DNMT1: variants seen among roughly 807,000 people sequenced by gnomAD.
DNMT1 encodes DNA methyltransferase 1, also known as DNA (cytosine-5)-methyltransferase 1.
Under a neutral mutation model 205.3 loss-of-function variants are expected in DNMT1, and 24 were observed. The ratio of observed to expected loss-of-function variants is 0.12; its 90% CI spans 0.08 to 0.16. The LOEUF (loss-of-function observed/expected upper bound fraction) is 0.16. Among genes scored for constraint, DNMT1 ranks in the 10% least tolerant of loss-of-function variants. The probability of loss-of-function intolerance (pLI) is 1.00; values close to 1 mark genes in which losing one functional copy is unlikely to be tolerated. For synonymous variants in DNMT1, 817 were observed against 839.8 expected (o/e 0.97, Z 0.47); for missense variants, 1,293 against 2,177.7 (o/e 0.59, Z 8.09).
At chr19:10,184,320 C>T (rs1480327229) in intron 1 of DNMT1, 1 of 152,138 alleles carries the variant, frequency 6.6e-6, no homozygotes, top group Non-Finnish European at 1.5e-5. Flanking sequence ...AAGGGGTACC[C>T]ACACAGAGGG....
Position 10,194,835 on chromosome 19 carries a change from T to TCGGGCAGCGAGATGGCCGGGA in DNMT1, c.44_64dup (p.Val15_Pro21dup). 1 of 1,611,062 alleles carries TCGGGCAGCGAGATGGCCGGGA rather than the reference T, an allele frequency of 6.2e-7. No homozygotes were observed. ...TGGTACCTACCGCCTGCGGACATCGTCGGGCAGCGAGATGGCCGGGACGGC... is the reference window on the plus strand; with the variant it reads ...TGGTACCTACCGCCTGCGGACATCGTCGGGCAGCGAGATGGCCGGGACGGGCAGCGAGATGGCCGGGACGGC... On this transcript the variant is annotated inframe_insertion, in exon 1 of 41. Coordinates refer to ENST00000359526, the MANE Select transcript of DNMT1 (RefSeq NM_001130823.3).
rs1322962346 is a variant in DNMT1 at position 10,173,068 on chromosome 19, C to A, written c.768+22G>T. On this transcript the variant is annotated intron_variant, in intron 9 of 40. Transcript: ENST00000359526. ...ATAGGATTAAGGGAGAATTAACAAA[C>A]TTAGAGGTGATAGAGCTTTACTTTT... 1.2e-5 allele frequency: 19 copies of A among 1,613,800 alleles called. No individual in the cohort carries two copies. In the East Asian group the frequency reaches 3.1e-4, roughly 26 times the overall value.
chr19:10,156,045 C>T lies in DNMT1; in HGVS notation c.1400-100G>A, dbSNP rs1315526506. 2.4e-6 allele frequency: 3 copies of T among 1,252,880 alleles called. No homozygotes were observed. The highest frequency in any genetic ancestry group is 1.5e-5 in the African/African-American group (1 of 67,360). 77.6% of individuals were successfully genotyped at this position (1,252,880 alleles called of 1,614,324 possible). On this transcript the variant is annotated intron_variant, in intron 18 of 40. Coordinates refer to ENST00000359526, the MANE Select transcript of DNMT1 (RefSeq NM_001130823.3). This position sits in a 1 kb window ranked among gnomAD's most constrained non-coding sequence, Gnocchi z 4.2. Reference sequence around the variant, plus strand: ...TCAGCAGACATCCCATCAGCCAGGTCGGGTGCTCCTCAGTCATCACAATGA... The same window carrying T: ...TCAGCAGACATCCCATCAGCCAGGTTGGGTGCTCCTCAGTCATCACAATGA...
chr19:10,173,859 A>C lies in DNMT1; in HGVS notation c.683+12T>G. On this transcript the variant is annotated intron_variant, in intron 8 of 40. Coordinates refer to ENST00000359526, the MANE Select transcript of DNMT1 (RefSeq NM_001130823.3). Reference sequence around the variant, plus strand: ...CGTAGAACAAAAAGAAAGGTATAGTAACTATTCTTACCGTTCTCTGGATGT... The same window carrying C: ...CGTAGAACAAAAAGAAAGGTATAGTCACTATTCTTACCGTTCTCTGGATGT... 1 of 1,613,698 alleles carries C rather than the reference A, an allele frequency of 6.2e-7. No individual in the cohort carries two copies. The highest frequency in any genetic ancestry group is 8.5e-7 in the Non-Finnish European group (1 of 1,179,628).
At chr19:10,188,760 C>T (rs973831290) in intron 1 of DNMT1, among the ~76,000 whole-genome samples, 2 of 152,154 alleles carry the variant, frequency 1.3e-5, no homozygotes, top group Middle Eastern at 3.4e-3. Flanking sequence ...CGTTGGAGGA[C>T]GGGTCAGAGA....
intron 39 of DNMT1, 130 bp downstream of exon 39, chr19:10,135,606 G>C (rs1388766167): frequency 2.1e-6 from 2 of 948,570 alleles, no homozygotes; most frequent in Non-Finnish European, 3.3e-6. Flanking sequence ...TCTTCCCACT[G>C]AGAGTGATGG....
At chr19:10,170,770 T>G (rs887401764) in intron 9 of DNMT1, among the ~76,000 whole-genome samples, 15 of 150,988 alleles carry the variant, frequency 9.9e-5, no homozygotes, top group Admixed American at 2.0e-4. Context: ...GTCATCTTGG[T>G]TTTTTTTTGT....
intron 37 of DNMT1, 123 bp from the exon 38 acceptor site, chr19:10,136,410 G>A (rs2089484520): frequency 8.2e-7 from 1 of 1,217,608 alleles, no homozygotes; most frequent in African/African-American, 1.5e-5. Flanking sequence ...CTGGGGTGGA[G>A]CAGCCAACAA....
chr19:10,138,180 T>C lies in DNMT1; in HGVS notation c.4116-171A>G, dbSNP rs1312527048. 1.3e-5 allele frequency among the ~76,000 whole-genome samples: 2 copies of C among 152,230 alleles called. No homozygotes were observed. The highest frequency in any genetic ancestry group is 3.8e-4 in the East Asian group (2 of 5,200). On this transcript the variant is annotated intron_variant, in intron 35 of 40. Coordinates refer to ENST00000359526, the MANE Select transcript of DNMT1 (RefSeq NM_001130823.3). This position sits in a 1 kb window ranked among gnomAD's most constrained non-coding sequence, Gnocchi z 4.1. Reference sequence around the variant, plus strand: ...TGCCATCTGGAAGGGGGGATGGGGCTATGGCGTGGGCTTTGTGGATGACCA... The same window carrying C: ...TGCCATCTGGAAGGGGGGATGGGGCCATGGCGTGGGCTTTGTGGATGACCA...
rs1348242844 is a variant in DNMT1, at chr19:10,154,953, C to T, written c.1596G>A (p.Leu532=). 1 of 1,614,226 alleles carries T rather than the reference C, an allele frequency of 6.2e-7. No individual in the cohort carries two copies. Among genetic ancestry groups the T allele is most frequent in the Non-Finnish European group, 8.5e-7 (1 of 1,180,046 alleles). Residue 532 remains leucine, a synonymous_variant, in exon 20 of 41, where the codon CTG becomes CTA. Coordinates refer to ENST00000359526, the MANE Select transcript of DNMT1 (RefSeq NM_001130823.3). This position sits in a 1 kb window ranked among gnomAD's most constrained non-coding sequence, Gnocchi z 6.3. ...CATAGGTCGAGTCGGAATTGCTCTGCAGGAACTCCACCACAATCTTGCTGA... is the reference window on the plus strand; with the variant it reads ...CATAGGTCGAGTCGGAATTGCTCTGTAGGAACTCCACCACAATCTTGCTGA... The part of the protein sequence containing the change: ...IYISKIVVEF[L]QSNSDSTYED...
chr19:10,134,230 T>C lies in DNMT1; in HGVS notation c.4851A>G (p.Arg1617=). ...ACCCCACCATACCTGAGGCACTCTCTCGGGCTTTGGCCAACATACAAAGCT... is the reference window on the plus strand; with the variant it reads ...ACCCCACCATACCTGAGGCACTCTCCCGGGCTTTGGCCAACATACAAAGCT... The part of the protein sequence containing the change: ...EIKLCMLAKA[R]ESASAKIKEE... Residue 1617 remains arginine (R), a synonymous_variant, in exon 40 of 41, where the codon CGA becomes CGG. Coordinates refer to ENST00000359526, the MANE Select transcript of DNMT1 (RefSeq NM_001130823.3). The C allele has an allele frequency of 6.2e-7, 1 of 1,614,206 alleles. No homozygotes were observed. Among genetic ancestry groups the C allele is most frequent in the Non-Finnish European group, 8.5e-7 (1 of 1,180,038 alleles).
At chr19:10,161,364 A>AATAAATAG (rs1270572042) in intron 13 of DNMT1, among the ~76,000 whole-genome samples, 2 of 149,430 alleles carry the variant, frequency 1.3e-5, no homozygotes, top group African/African-American at 4.9e-5. Context: ...TAAATAAATA[A>AATAAATAG]CTGGCCAGGC....
intron 17 of DNMT1, among the ~76,000 whole-genome samples, chr19:10,158,298 G>T (rs7247491): frequency 9.7e-4 from 147 of 152,240 alleles, no homozygotes; most frequent in South Asian, 5.4e-3. Context: ...GGGGGCTAGC[G>T]GTTGCTGGTG....
chr19:10,156,074 G>A lies in DNMT1; in HGVS notation c.1400-129C>T. The A allele has an allele frequency of 2.2e-6, 2 of 904,516 alleles. No individual in the cohort carries two copies. Among genetic ancestry groups the A allele is most frequent in the Non-Finnish European group, 3.5e-6 (2 of 574,636 alleles). The allele number at this position is 904,516 out of a possible 1,614,324, so 56.0% of individuals were successfully genotyped here. On this transcript the variant is annotated intron_variant, in intron 18 of 40. Transcript: ENST00000359526. The surrounding 1 kb of genome is among the most constrained non-coding windows in gnomAD (Gnocchi z 4.2). ...TGCTCCTCAGTCATCACAATGACTT[G>A]GCCTACAGCTGCTCCTGGCACAAAG...
At position 10,159,563 on chromosome 19, in the gene DNMT1, G is replaced by C; in HGVS notation, c.1280+95C>G. ...TAGCTTAAGACATGTTGCAGGTCAG[G>C]CACTAAAAAACATCACCAGAATCGT... On this transcript the variant is annotated intron_variant, in intron 17 of 40. Transcript: ENST00000359526. This position sits in a 1 kb window ranked among gnomAD's most constrained non-coding sequence, Gnocchi z 5.0. 8.1e-7 allele frequency: 1 copy of C among 1,235,184 alleles called. No homozygotes were observed. The highest frequency in any genetic ancestry group is 1.2e-6 in the Non-Finnish European group (1 of 852,232). 76.5% of individuals were successfully genotyped at this position (1,235,184 alleles called of 1,614,324 possible).
At position 10,170,775 on chromosome 19, in the gene DNMT1, TTTTG is replaced by T. The variant is rs538247311; in HGVS notation, c.768+2311_768+2314del. Among the ~76,000 whole-genome samples, 62 of 152,046 alleles carry T rather than the reference TTTTG, an allele frequency of 4.1e-4. 1 individual carries two copies. The East Asian group carries it at 4.5e-3, about 11-fold the overall frequency. ...GAAACTTCTAGTCATCTTGGTTTTT[TTTTG>T]TTTGTTTGTTTTGTTTGTTTGTTTG... On this transcript the variant is annotated intron_variant, in intron 9 of 40. Transcript: ENST00000359526.
At chr19:10,170,264 G>T (rs1042408184) in intron 9 of DNMT1, among the ~76,000 whole-genome samples, 1 of 151,930 alleles carries the variant, frequency 6.6e-6, no homozygotes, top group African/African-American at 2.4e-5. Context: ...CAGCCTGAGC[G>T]AAAGAGCAAA....
At chr19:10,169,257 T>C (rs1446220746) in intron 9 of DNMT1, among the ~76,000 whole-genome samples, 1 of 151,724 alleles carries the variant, frequency 6.6e-6, no homozygotes, top group Non-Finnish European at 1.5e-5. Flanking sequence ...AAGAAACACT[T>C]TGCAGCTGGG....
At chr19:10,164,870 G>C (rs1239044587) in intron 11 of DNMT1, among the ~76,000 whole-genome samples, 1 of 134,522 alleles carries the variant, frequency 7.4e-6, no homozygotes, top group Non-Finnish European at 1.6e-5. Context: ...GGAGGTTGCA[G>C]TGACTCGAGA....
Sources: allele counts gnomAD v4.1 joint callset (sites outside exome capture counted in the v4.1 genomes callset), GRCh38; gene constraint gnomAD v4.1.1; non-coding constraint Gnocchi (gnomAD v3.1); transcripts MANE v1.5; gene names NCBI Gene and HGNC (gene_info 2026-07-23, HGNC 2026-07-21).